The following CSMD1 variants were observed in gnomAD, a reference collection of about 807,000 sequenced individuals.
CSMD1 encodes the protein CUB and Sushi multiple domains 1.
A neutral mutation model predicts 417.5 loss-of-function variants in CSMD1; 213 were observed. That is an observed-to-expected ratio of 0.51 (90% CI 0.46 to 0.57). The LOEUF is 0.57. Among genes scored for constraint, CSMD1 ranks in the 20% least tolerant of loss-of-function variants. The probability of loss-of-function intolerance (pLI) is 0.00; values close to 1 mark genes in which losing one functional copy is unlikely to be tolerated. For missense variants in CSMD1, 6,923 were observed against 4,529.7 expected, an observed-to-expected ratio of 1.53 and a Z score of -15.17; for synonymous variants, 2,862 against 1,736.8, an observed-to-expected ratio of 1.65 and a Z score of -16.11.
At chr8:3,355,589 C>T (rs900908334) in intron 21 of CSMD1, among the ~76,000 whole-genome samples, 3 of 152,062 alleles carry the variant, frequency 2.0e-5, no homozygotes, top group Non-Finnish European at 4.4e-5. Context: ...TAGCTGTTTC[C>T]ACAGAACTGC....
At chr8:4,306,511 G>T (rs1213217225) in intron 3 of CSMD1, among the ~76,000 whole-genome samples, 1 of 152,082 alleles carries the variant, frequency 6.6e-6, no homozygotes, top group East Asian at 1.9e-4. Flanking sequence ...TAGAACCACT[G>T]ATATCCACTG....
chr8:3,654,246 G>T (rs1379574939), intron 7 of CSMD1, among the ~76,000 whole-genome samples: 4 of 152,060 alleles, frequency 2.6e-5, no homozygotes, highest in African/African-American at 4.8e-5. Context: ...GGTTTTCAGG[G>T]ACTTATTTAA....
chr8:4,183,670 A>G (rs1007285842), intron 3 of CSMD1, among the ~76,000 whole-genome samples: 2 of 152,226 alleles, frequency 1.3e-5, no homozygotes, highest in African/African-American at 4.8e-5. Flanking sequence ...ACTTAACAAA[A>G]ATAATTTTGT....
chr8:3,504,938 A>C (rs1796760866), intron 10 of CSMD1, among the ~76,000 whole-genome samples: 1 of 152,166 alleles, frequency 6.6e-6, no homozygotes. Flanking sequence ...AGAGATAGAA[A>C]ATGCTTAAGC....
intron 3 of CSMD1, among the ~76,000 whole-genome samples, chr8:4,087,114 C>G (rs1800461552): frequency 6.6e-6 from 1 of 152,198 alleles, no homozygotes; most frequent in Admixed American, 6.5e-5. Flanking sequence ...AACTGGCATT[C>G]AATCTCTGGG....
chr8:4,335,034 T>C (rs977325343), intron 3 of CSMD1, among the ~76,000 whole-genome samples: 6 of 152,094 alleles, frequency 3.9e-5, no homozygotes, highest in Non-Finnish European at 8.8e-5. Context: ...CCTTAGTAGC[T>C]GGGACCACAG....
At chr8:3,741,803 G>T (rs1796819197) in intron 6 of CSMD1, among the ~76,000 whole-genome samples, 2 of 152,176 alleles carry the variant, frequency 1.3e-5, no homozygotes, top group African/African-American at 2.4e-5. Context: ...ACCCTCCATG[G>T]CCCTTCTACC....
chr8:3,942,321 T>G (rs568283903), intron 5 of CSMD1, among the ~76,000 whole-genome samples: 3 of 151,988 alleles, frequency 2.0e-5, no homozygotes, highest in Non-Finnish European at 4.4e-5. Flanking sequence ...AGTGGAAAAA[T>G]TGTCTTCCAA....
intron 2 of CSMD1, among the ~76,000 whole-genome samples, chr8:4,594,797 T>A (rs781707997): frequency 1.9e-4 from 29 of 152,184 alleles, no homozygotes; most frequent in Non-Finnish European, 3.4e-4. Flanking sequence ...CATATCATCA[T>A]ATTTCTGATG....
chr8:3,658,570 G>A (rs1798246992), intron 7 of CSMD1, among the ~76,000 whole-genome samples: 1 of 151,568 alleles, frequency 6.6e-6, no homozygotes, highest in Non-Finnish European at 1.5e-5. Context: ...ATGACTTGAG[G>A]TCAGGAGTTT....
chr8:2,960,953 T>TATATATATATATATACAC (rs1803413126), intron 62 of CSMD1, among the ~76,000 whole-genome samples, 188 bp downstream of exon 62: 1 of 146,000 alleles, frequency 6.8e-6, no homozygotes, highest in African/African-American at 2.5e-5. Context: ...TATATATATA[T>TATATATATATATATACAC]ATATATATAT....
At chr8:4,406,039 C>T (rs867725794) in intron 3 of CSMD1, among the ~76,000 whole-genome samples, 3 of 152,172 alleles carry the variant, frequency 2.0e-5, no homozygotes, top group African/African-American at 7.2e-5. Context: ...TTAGAACTGG[C>T]TGCTGGAAAC....
At chr8:3,903,767 A>C (rs929389955) in intron 5 of CSMD1, among the ~76,000 whole-genome samples, 1 of 152,016 alleles carries the variant, frequency 6.6e-6, no homozygotes, top group South Asian at 2.1e-4. Flanking sequence ...CCACCTCCCA[A>C]TTGAGTCCAC....
intron 1 of CSMD1, among the ~76,000 whole-genome samples, chr8:4,762,021 A>C (rs922220969): frequency 2.6e-5 from 4 of 152,142 alleles, no homozygotes; most frequent in Admixed American, 1.3e-4. Flanking sequence ...TACAACTTTT[A>C]ATATATTAAG....
chr8:4,534,523 G>A (rs935620728), intron 2 of CSMD1, among the ~76,000 whole-genome samples: 2 of 152,050 alleles, frequency 1.3e-5, no homozygotes, highest in Admixed American at 6.6e-5. Flanking sequence ...TGTTACATGG[G>A]TATATTGGAT....
intron 40 of CSMD1, among the ~76,000 whole-genome samples, chr8:3,149,777 T>G (rs903147071): frequency 6.6e-6 from 1 of 152,172 alleles, no homozygotes; most frequent in African/African-American, 2.4e-5. Flanking sequence ...CATAACCTTA[T>G]GTGGGTATTT....
intron 3 of CSMD1, among the ~76,000 whole-genome samples, chr8:4,226,573 A>C (rs908636159): frequency 6.6e-6 from 1 of 152,242 alleles, no homozygotes; most frequent in South Asian, 2.1e-4. Context: ...GAAAAAACTA[A>C]TAACTTATTA....
chr8:4,009,247 C>G (rs776033650), intron 4 of CSMD1, among the ~76,000 whole-genome samples: 4 of 152,130 alleles, frequency 2.6e-5, no homozygotes, highest in Non-Finnish European at 5.9e-5. Context: ...CTATTTCCTC[C>G]CAAGTAATTT....
intron 12 of CSMD1, among the ~76,000 whole-genome samples, chr8:3,431,875 A>G (rs972845860): frequency 3.3e-5 from 5 of 152,228 alleles, no homozygotes; most frequent in Admixed American, 2.0e-4. Flanking sequence ...CAGTGAGATA[A>G]GATATCGGCT....
Sources: gnomAD v4.1 joint callset for allele counts (sites outside exome capture counted in the v4.1 genomes callset) on GRCh38, gnomAD v4.1.1 for gene constraint, MANE v1.5 for transcripts, NCBI Gene and HGNC (gene_info 2026-07-23, HGNC 2026-07-21) for gene names.